SLC35F4: variants seen among roughly 807,000 people sequenced by gnomAD.
SLC35F4 encodes chromosome 14 open reading frame 36.
SLC35F4 carries 24 observed loss-of-function variants against 44.2 expected under a neutral mutation model. That is an observed-to-expected ratio of 0.54 (90% confidence interval 0.39 to 0.76). SLC35F4 has a LOEUF of 0.76. Among genes scored for constraint, SLC35F4 ranks in the 30% least tolerant of loss-of-function variants. The probability of loss-of-function intolerance (pLI) is 0.00; values close to 1 mark genes in which losing one functional copy is unlikely to be tolerated. For synonymous variants in SLC35F4, 238 were observed against 223.6 expected, an observed-to-expected ratio of 1.06 and a Z score of -0.57; for missense variants, 562 against 586.1, an observed-to-expected ratio of 0.96 and a Z score of 0.42.
chr14:57,576,692 AG>A (rs1420318474), intron 4 of SLC35F4, among the ~76,000 whole-genome samples: 1 of 152,108 alleles, frequency 6.6e-6, no homozygotes, highest in African/African-American at 2.4e-5. Context: ...GACAGGGGGA[AG>A]GGGGGTACCT....
intron 1 of SLC35F4, among the ~76,000 whole-genome samples, chr14:57,853,133 T>G (rs1886739594): frequency 6.6e-6 from 1 of 152,202 alleles, no homozygotes; most frequent in Non-Finnish European, 1.5e-5. Context: ...TTTCCAAACT[T>G]GATGTAACCA....
At chr14:57,647,896 C>T (rs1185101609) in intron 1 of SLC35F4, among the ~76,000 whole-genome samples, 1 of 152,122 alleles carries the variant, frequency 6.6e-6, no homozygotes, top group Admixed American at 6.6e-5. Context: ...GCCAGAATCC[C>T]CGCTACCCTG....
intron 1 of SLC35F4, among the ~76,000 whole-genome samples, chr14:57,640,300 T>C (rs1453952511): frequency 6.6e-6 from 1 of 152,036 alleles, no homozygotes; most frequent in African/African-American, 2.4e-5. Context: ...AGAATCCATT[T>C]CTATCTATCT....
intron 1 of SLC35F4, among the ~76,000 whole-genome samples, chr14:57,768,518 G>A (rs2077285827): frequency 1.3e-5 from 2 of 152,292 alleles, no homozygotes; most frequent in Middle Eastern, 3.4e-3. Context: ...TCTTTGATCA[G>A]AAGTCCTCGT....
At chr14:57,890,759 T>C (rs1022498674) in intron 1 of SLC35F4, among the ~76,000 whole-genome samples, 37 of 152,138 alleles carry the variant, frequency 2.4e-4, no homozygotes, top group African/African-American at 8.9e-4. Context: ...GTTTTAGAAA[T>C]GAGGCATAAA....
intron 1 of SLC35F4, chr14:57,631,170 T>C (rs1449290372): frequency 6.6e-6 from 1 of 152,258 alleles, no homozygotes; most frequent in Non-Finnish European, 1.5e-5. Flanking sequence ...CTTGTCATGA[T>C]AATTATTTAT....
chr14:57,969,505 A>G (rs1880988743), intron 1 of SLC35F4, among the ~76,000 whole-genome samples: 1 of 152,196 alleles, frequency 6.6e-6, no homozygotes, highest in South Asian at 2.1e-4. Flanking sequence ...CTAATATAAC[A>G]CTTGTCTTTA....
rs188225630 is a variant in SLC35F4 at position 57,886,520 on chromosome 14, C to T, written n.282+95393G>A. ...AGAGGTAGGGGATAAAATCATATCCCTATTCTTCTAAATAGCAGGAAAGGC... is the reference window on the plus strand; with the variant it reads ...AGAGGTAGGGGATAAAATCATATCCTTATTCTTCTAAATAGCAGGAAAGGC... On this transcript the variant is annotated intron_variant and non_coding_transcript_variant, in intron 1 of 1. Coordinates refer to the SLC35F4 transcript ENST00000556568. Among the ~76,000 whole-genome samples, 266 of 152,264 alleles carry T rather than the reference C, an allele frequency of 1.7e-3. 1 individual carries two copies. The highest frequency in any genetic ancestry group is 0.013 in the Admixed American group (198 of 15,286).
intron 4 of SLC35F4, among the ~76,000 whole-genome samples, chr14:57,576,449 A>G (rs1427984683): frequency 6.6e-6 from 1 of 152,186 alleles, no homozygotes; most frequent in East Asian, 1.9e-4. Context: ...TGGGACACAC[A>G]TTAATAGTTT....
intron 1 of SLC35F4, among the ~76,000 whole-genome samples, chr14:57,727,531 T>C (rs1457746215): frequency 2.0e-5 from 3 of 152,012 alleles, no homozygotes; most frequent in Non-Finnish European, 4.4e-5. Context: ...CACTTATAGC[T>C]ATACACTTTC....
chr14:57,642,962 T>C (rs1276922928), intron 1 of SLC35F4, among the ~76,000 whole-genome samples: 2 of 152,012 alleles, frequency 1.3e-5, no homozygotes, highest in East Asian at 3.9e-4. Flanking sequence ...ATAGGACATC[T>C]ACTCTAGCAT....
intron 1 of SLC35F4, among the ~76,000 whole-genome samples, chr14:57,825,966 T>C (rs10138177): frequency 0.14 from 21,242 of 152,142 alleles, 1,774 homozygotes; most frequent in African/African-American, 0.23. Flanking sequence ...TTATTGCTAT[T>C]CCCATTAAAG....
chr14:57,771,893 C>G (rs1161231942), intron 1 of SLC35F4, among the ~76,000 whole-genome samples: 1 of 152,128 alleles, frequency 6.6e-6, no homozygotes, highest in Non-Finnish European at 1.5e-5. Flanking sequence ...TGTGCCTGGT[C>G]TGAATACTTT....
chr14:57,690,091 T>A (rs752437287), intron 1 of SLC35F4, among the ~76,000 whole-genome samples: 8 of 152,168 alleles, frequency 5.3e-5, no homozygotes, highest in Non-Finnish European at 1.2e-4. Flanking sequence ...CTTCTATACT[T>A]CAACTTTTAA....
intron 1 of SLC35F4, among the ~76,000 whole-genome samples, chr14:57,664,462 A>C (rs1291207349): frequency 1.3e-4 from 20 of 152,090 alleles, no homozygotes; most frequent in Admixed American, 1.3e-3. Flanking sequence ...AGGCTGAAGT[A>C]CATTGGCACG....
chr14:57,658,869 C>T (rs571653862), intron 1 of SLC35F4, among the ~76,000 whole-genome samples: 1 of 152,252 alleles, frequency 6.6e-6, no homozygotes, highest in Admixed American at 6.5e-5. Context: ...ACTCACTACA[C>T]CCCTTGTTCC....
intron 1 of SLC35F4, among the ~76,000 whole-genome samples, chr14:57,937,586 G>GAAAGA (rs67004414): frequency 0.035 from 3,953 of 113,748 alleles, 124 homozygotes; most frequent in South Asian, 0.054. Flanking sequence ...GAAAAGAAAA[G>GAAAGA]AAAGAAAAGA....
intron 1 of SLC35F4, among the ~76,000 whole-genome samples, chr14:57,691,966 T>C (rs186350776): frequency 6.6e-6 from 1 of 152,162 alleles, no homozygotes; most frequent in Admixed American, 6.5e-5. Context: ...AACACGATAG[T>C]GTGTGTCCAG....
At chr14:57,972,426 A>C (rs1881080954), downstream of SLC35F4, among the ~76,000 whole-genome samples, 1 of 152,140 alleles carries the variant, frequency 6.6e-6, no homozygotes, top group Non-Finnish European at 1.5e-5. Flanking sequence ...TGGAGAGAAC[A>C]GGAAAGATTT....
Sources: allele counts gnomAD v4.1 joint callset (sites outside exome capture counted in the v4.1 genomes callset), GRCh38; gene constraint gnomAD v4.1.1; transcripts MANE v1.5; gene names NCBI Gene and HGNC (gene_info 2026-07-23, HGNC 2026-07-21).